The following LRRIQ1 variants were observed in gnomAD, a reference collection of about 807,000 sequenced individuals.
LRRIQ1 encodes the protein leucine rich repeats and IQ motif containing 1.
A neutral mutation model predicts 211.9 loss-of-function variants in LRRIQ1; 210 were observed. That is an observed-to-expected ratio of 0.99 (90% confidence interval 0.89 to 1.11). The LOEUF (loss-of-function observed/expected upper bound fraction) is 1.11. Ranked by LOEUF, LRRIQ1 falls within the 50% of genes most tolerant of loss-of-function variation. The pLI is 0.00. For synonymous variants in LRRIQ1, 699 were observed against 650.1 expected (o/e 1.08, Z -1.14); for missense variants, 2,136 against 1,939.5 (o/e 1.10, Z -1.90).
intron 11 of LRRIQ1, among the ~76,000 whole-genome samples, chr12:85,076,258 T>G (rs569819171): frequency 5.7e-4 from 87 of 152,122 alleles, no homozygotes; most frequent in Non-Finnish European, 1.0e-3. Context: ...CTCTTGACTT[T>G]AATATCATAG....
chr12:85,169,336 G>A (rs1891300156), intron 24 of LRRIQ1, among the ~76,000 whole-genome samples: 1 of 152,098 alleles, frequency 6.6e-6, no homozygotes, highest in African/African-American at 2.4e-5. Context: ...AAATTGAAAT[G>A]TAAGTTGGAA....
chr12:85,106,387 C>T (rs767360895), intron 14 of LRRIQ1, 135 bp from the exon 15 acceptor site: 10 of 620,392 alleles, frequency 1.6e-5, no homozygotes, highest in Non-Finnish European at 2.8e-5. Flanking sequence ...CTTTAAAAAG[C>T]ATATAGCATT....
intron 15 of LRRIQ1, among the ~76,000 whole-genome samples, chr12:85,108,183 G>T (rs1886918184): frequency 6.6e-6 from 1 of 152,060 alleles, no homozygotes; most frequent in South Asian, 2.1e-4. Flanking sequence ...GGTGTGCAGT[G>T]GCTAAGTTAC....
chr12:85,134,405 T>C (rs1888979278), intron 18 of LRRIQ1, among the ~76,000 whole-genome samples: 1 of 152,128 alleles, frequency 6.6e-6, no homozygotes, highest in Non-Finnish European at 1.5e-5. Context: ...CCCTTGTGTA[T>C]TTTATTTTCA....
intron 23 of LRRIQ1, among the ~76,000 whole-genome samples, chr12:85,157,345 T>C (rs749702209): frequency 2.6e-5 from 4 of 151,832 alleles, no homozygotes; most frequent in Non-Finnish European, 4.4e-5. Context: ...AAATCTAAAA[T>C]TGTGAGGAGT....
At chr12:85,111,324 C>T (rs768096296) in intron 15 of LRRIQ1, among the ~76,000 whole-genome samples, 110 of 152,096 alleles carry the variant, frequency 7.2e-4, no homozygotes, top group Admixed American at 2.0e-4. Context: ...ACTCATATTC[C>T]ATTCCGTTGA....
At position 85,056,878 on chromosome 12, in the gene LRRIQ1, C is replaced by A; in HGVS notation, c.2085C>A (p.Ser695=). The change falls in exon 8 of 27, where the codon TCC becomes TCA. Residue 695 remains serine, a synonymous_variant. Coordinates refer to ENST00000393217, the MANE Select transcript of LRRIQ1 (RefSeq NM_001079910.2). ...EGLSNYNAES[S]MVSKEVNSLK... The stretch of plus-strand genomic sequence containing the variant: ...TGAGTAACTATAATGCAGAAAGCTC[C>A]ATGGTATCTAAAGAAGTCAACTCTC... 6.2e-7 allele frequency: 1 copy of A among 1,613,320 alleles called. No individual in the cohort carries two copies. Among genetic ancestry groups the A allele is most frequent in the South Asian group, 1.1e-5 (1 of 91,030 alleles).
intron 24 of LRRIQ1, among the ~76,000 whole-genome samples, chr12:85,226,835 A>G (rs1450173135): frequency 1.3e-5 from 2 of 151,858 alleles, no homozygotes; most frequent in African/African-American, 4.8e-5. Flanking sequence ...AGCTGCATCC[A>G]TGTCCCTATA....
intron 24 of LRRIQ1, among the ~76,000 whole-genome samples, chr12:85,210,536 A>G (rs541229371): frequency 6.6e-6 from 1 of 152,320 alleles, no homozygotes; most frequent in Admixed American, 6.5e-5. Context: ...AGTTTTATCA[A>G]GAGAAAATTT....
chr12:85,255,736 G>T (rs372603741), intron 1 of LRRIQ1, among the ~76,000 whole-genome samples: 31 of 151,530 alleles, frequency 2.0e-4, no homozygotes, highest in East Asian at 7.7e-4. Flanking sequence ...CTGATTCTTG[G>T]ACTGAAATTT....
At position 85,056,534 on chromosome 12, in the gene LRRIQ1, A is replaced by G. The variant is rs780436316; in HGVS notation, c.1741A>G (p.Lys581Glu). Residue 581 changes from lysine to glutamate, a missense_variant, in exon 8 of 27, where the codon AAA becomes GAA. Transcript: ENST00000393217. ...EQKIIKDNQQ[K>E]KIQKVEKEEI... ...GAAAATAATCAAAGATAATCAGCAGAAAAAGATACAAAAAGTAGAAAAAGA... is the reference window on the plus strand; with the variant it reads ...GAAAATAATCAAAGATAATCAGCAGGAAAAGATACAAAAAGTAGAAAAAGA... The G allele has an allele frequency of 1.2e-6, 2 of 1,609,264 alleles. No homozygotes were observed. The highest frequency in any genetic ancestry group is 1.7e-5 in the Admixed American group (1 of 59,360).
At chr12:85,113,895 T>C (rs746898759) in intron 15 of LRRIQ1, among the ~76,000 whole-genome samples, 12 of 141,266 alleles carry the variant, frequency 8.5e-5, no homozygotes, top group Non-Finnish European at 1.6e-4. Flanking sequence ...ATTTCAATTA[T>C]TCAAATGAGT....
At chr12:85,147,902 A>G (rs146460711) in intron 19 of LRRIQ1, among the ~76,000 whole-genome samples, 3 of 151,842 alleles carry the variant, frequency 2.0e-5, no homozygotes, top group Non-Finnish European at 4.4e-5. Context: ...TTAGTTTCTA[A>G]AGGAATCAAA....
intron 25 of LRRIQ1, among the ~76,000 whole-genome samples, chr12:85,230,104 A>G (rs1234290189): frequency 2.6e-5 from 4 of 152,208 alleles, no homozygotes; most frequent in Non-Finnish European, 5.9e-5. Context: ...ATAGAGAGAG[A>G]ATAATTCTAA....
chr12:85,049,253 T>A (rs1425284833), intron 6 of LRRIQ1, among the ~76,000 whole-genome samples: 1 of 152,198 alleles, frequency 6.6e-6, no homozygotes, highest in African/African-American at 2.4e-5. Context: ...ATCATAAATC[T>A]CTTAAGAATT....
chr12:85,158,350 A>T, intron 23 of LRRIQ1, among the ~76,000 whole-genome samples: 1 of 151,908 alleles, frequency 6.6e-6, no homozygotes, highest in Non-Finnish European at 1.5e-5. Flanking sequence ...AGTAAATAGT[A>T]CTCCTTTTAA....
intron 24 of LRRIQ1, among the ~76,000 whole-genome samples, chr12:85,182,521 A>G (rs1892030718): frequency 1.3e-5 from 2 of 152,172 alleles, no homozygotes; most frequent in African/African-American, 4.8e-5. Context: ...GCATTTCCCC[A>G]AAAGTGTGAG....
chr12:85,265,222 A>G (rs987204543), downstream of LRRIQ1, among the ~76,000 whole-genome samples: 27 of 152,144 alleles, frequency 1.8e-4, no homozygotes, highest in South Asian at 1.7e-3. Context: ...AGTAGCTGTA[A>G]TAGGTTTCCT....
At chr12:85,146,287 T>A (rs1889889378) in intron 19 of LRRIQ1, among the ~76,000 whole-genome samples, 1 of 151,726 alleles carries the variant, frequency 6.6e-6, no homozygotes, top group African/African-American at 2.4e-5. Context: ...ACCTTCTAGG[T>A]GGTAATTGTC....
Sources: gnomAD v4.1 joint callset for allele counts (sites outside exome capture counted in the v4.1 genomes callset) on GRCh38, gnomAD v4.1.1 for gene constraint, MANE v1.5 for transcripts, NCBI Gene and HGNC (gene_info 2026-07-23, HGNC 2026-07-21) for gene names.